BTN3A1: variants seen among roughly 807,000 people sequenced by gnomAD.
BTN3A1 encodes butyrophilin subfamily 3 member A1.
BTN3A1 carries 24 observed loss-of-function variants against 43.0 expected under a neutral mutation model. The observed-to-expected ratio is 0.56, with a 90% CI of 0.40 to 0.78. The LOEUF (loss-of-function observed/expected upper bound fraction) is 0.78, where lower values mean the gene tolerates loss of function less well. Among genes scored for constraint, BTN3A1 ranks in the 30% least tolerant of loss-of-function variants. The probability of loss-of-function intolerance (pLI) is 0.00; values close to 1 mark genes in which losing one functional copy is unlikely to be tolerated. For missense variants in BTN3A1, 533 were observed against 626.2 expected (o/e 0.85, Z 1.59); for synonymous variants, 181 against 234.7 (o/e 0.77, Z 2.09).
chr6:26,413,908 C>T lies in BTN3A1; in HGVS notation c.*216C>T. The T allele has an allele frequency of 1.3e-6, 1 of 767,504 alleles. No homozygotes were observed. The allele number at this position is 767,504 out of a possible 1,614,324, so 47.5% of individuals were successfully genotyped here. On this transcript the variant is annotated 3_prime_UTR_variant, in exon 10 of 10. Transcript: ENST00000289361. The stretch of plus-strand genomic sequence containing the variant: ...CACGCACTGAAGCACTTTACTGATA[C>T]TCATTCAATTATTCATATGACAGTT...
At position 26,405,503 on chromosome 6, in the gene BTN3A1, G is replaced by T. The variant is rs963333249; in HGVS notation, c.-61G>T. ...GGAGGTTTCCATTTGGAATTCTATA[G>T]CTTCTTCCAGGTCATAGTGTCTGCC... On this transcript the variant is annotated 5_prime_UTR_variant, in exon 2 of 10. Coordinates refer to ENST00000289361, the MANE Select transcript of BTN3A1 (RefSeq NM_007048.6). The T allele has an allele frequency of 6.7e-7, 1 of 1,495,028 alleles. No homozygotes were observed. 92.6% of individuals were successfully genotyped at this position (1,495,028 alleles called of 1,614,324 possible).
At chr6:26,408,155 T>C (rs1267374909) in intron 4 of BTN3A1, among the ~76,000 whole-genome samples, 2 of 152,210 alleles carry the variant, frequency 1.3e-5, no homozygotes, top group Non-Finnish European at 2.9e-5. Flanking sequence ...GAACATTTCC[T>C]GTCTGCCAGA....
rs747919410 is a variant in BTN3A1 at position 26,409,533 on chromosome 6, A to G, written c.716A>G (p.Asp239Gly). ...TGACCCACAGCCGTTGCCTTCACAG[A>G]CCCCTTCTTCAGGAGCGCCCAGAGG... ...LEKTASISIA[D>G]PFFRSAQRWI... is the part of the protein sequence containing the mutation. The change falls in exon 5 of 10, where the codon GAC (aspartate) becomes GGC (glycine). Residue 239 changes from aspartate (D) to glycine (G), a missense_variant and splice_region_variant. Coordinates refer to ENST00000289361, the MANE Select transcript of BTN3A1 (RefSeq NM_007048.6). 9 of 1,612,264 alleles carry G rather than the reference A, an allele frequency of 5.6e-6. No homozygotes were observed. The South Asian group carries it at 9.9e-5, about 18-fold the overall frequency.
In BTN3A1 at chr6:26,413,304, T is replaced by C. The variant is rs1437621324; in HGVS notation, c.1154T>C (p.Leu385Pro). Reference sequence around the variant, plus strand: ...AGATTTAATTGGCATTATTGTGTTCTCGGCTGTGAGAGCTTCATATCAGGG... The same window carrying C: ...AGATTTAATTGGCATTATTGTGTTCCCGGCTGTGAGAGCTTCATATCAGGG... ...PERFNWHYCV[L>P]GCESFISGRH... The change falls in exon 10 of 10, where the codon CTC becomes CCC. Residue 385 changes from leucine (L) to proline (P), a missense_variant. Physicochemically the swap from Leu to Pro is moderately conservative, Grantham distance 98 (BLOSUM62 -3). Coordinates refer to ENST00000289361, the MANE Select transcript of BTN3A1 (RefSeq NM_007048.6). 9.9e-6 allele frequency: 16 copies of C among 1,614,052 alleles called. No homozygotes were observed. The highest frequency in any genetic ancestry group is 1.4e-5 in the Non-Finnish European group (16 of 1,180,036).
chr6:26,403,206 C>T (rs1761907726), intron 1 of BTN3A1, among the ~76,000 whole-genome samples: 1 of 152,142 alleles, frequency 6.6e-6, no homozygotes, highest in Non-Finnish European at 1.5e-5. Context: ...GCTGAGATTA[C>T]AGGTGCACGC....
chr6:26,410,999 G>GCAAAAAAAAAAAAAA (rs1561847979), intron 7 of BTN3A1, 110 bp from the exon 8 acceptor site: 1 of 566,872 alleles, frequency 1.8e-6, no homozygotes, highest in Non-Finnish European at 2.7e-6. Context: ...GATACAGGTG[G>GCAAAAAAAAAAAAAA]TAAAAAAAAA....
intron 1 of BTN3A1, among the ~76,000 whole-genome samples, chr6:26,405,034 A>T (rs1204873157): frequency 2.6e-5 from 4 of 152,204 alleles, no homozygotes; most frequent in Non-Finnish European, 1.5e-5. Context: ...CTTGGATTAA[A>T]TGTGGTGGGT....
At position 26,407,716 on chromosome 6, in the gene BTN3A1, G is replaced by A. The variant is rs147150065; in HGVS notation, c.479G>A (p.Gly160Glu). 3.7e-6 allele frequency: 6 copies of A among 1,614,088 alleles called. No homozygotes were observed. The African/African-American group carries it at 6.7e-5, about 18-fold the overall frequency. ...GTTGATGTGAAGGGTTACAAGGATGGAGGGATCCATCTGGAGTGCAGGTCC... is the reference window on the plus strand; with the variant it reads ...GTTGATGTGAAGGGTTACAAGGATGAAGGGATCCATCTGGAGTGCAGGTCC... Reference protein sequence around the residue: ...LHVDVKGYKDGGIHLECRSTG... With the variant: ...LHVDVKGYKDEGIHLECRSTG... Residue 160 changes from glycine (G) to glutamate (E), a missense_variant, in exon 4 of 10, where the codon GGA becomes GAA. Gly to Glu is a moderately conservative substitution (Grantham distance 98). Transcript: ENST00000289361.
At chr6:26,412,461 A>C (rs1218390082) in intron 9 of BTN3A1, 1 of 1,488,080 alleles carries the variant, frequency 6.7e-7, no homozygotes, top group East Asian at 2.5e-5. Context: ...AAGGGAGCCC[A>C]GTGGCACTGT....
In BTN3A1 at chr6:26,413,825, G is replaced by C; in HGVS notation, c.*133G>C. 1.3e-6 allele frequency: 2 copies of C among 1,568,798 alleles called. No homozygotes were observed. Among genetic ancestry groups the C allele is most frequent in the Middle Eastern group, 3.3e-4 (2 of 5,992 alleles). On this transcript the variant is annotated 3_prime_UTR_variant, in exon 10 of 10. Coordinates refer to ENST00000289361, the MANE Select transcript of BTN3A1 (RefSeq NM_007048.6). ...ACTTTTCTCTGCTTCTCCCTGCCCA[G>C]CTCAGAGCTGAGGGCCTCCCCCTCC...
intron 8 of BTN3A1, 57 bp from the exon 9 acceptor site, chr6:26,411,498 G>A (rs1195675928): frequency 3.2e-5 from 51 of 1,574,754 alleles, no homozygotes; most frequent in Non-Finnish European, 4.4e-5. Context: ...GGAGAGTGCA[G>A]TGGGGAAAAG....
Position 26,405,516 on chromosome 6 carries a change from C to T in BTN3A1, c.-48C>T. 1 of 1,544,934 alleles carries T rather than the reference C, an allele frequency of 6.5e-7. No individual in the cohort carries two copies. Among genetic ancestry groups the T allele is most frequent in the Non-Finnish European group, 9.0e-7 (1 of 1,117,236 alleles). ...TGGAATTCTATAGCTTCTTCCAGGT[C>T]ATAGTGTCTGCCCCCCACCTTCCAG... On this transcript the variant is annotated 5_prime_UTR_variant, in exon 2 of 10. Coordinates refer to ENST00000289361, the MANE Select transcript of BTN3A1 (RefSeq NM_007048.6).
rs1417638582 is a variant in BTN3A1, at chr6:26,413,630, C to G, written c.1480C>G (p.Leu494Val). 3 of 1,614,096 alleles carry G rather than the reference C, an allele frequency of 1.9e-6. No homozygotes were observed. The highest frequency in any genetic ancestry group is 2.5e-6 in the Non-Finnish European group (3 of 1,179,996). The change falls in exon 10 of 10, where the codon CTA (leucine) becomes GTA (valine). Residue 494 changes from leucine (L) to valine (V), a missense_variant. By Grantham distance (32) the Leu-to-Val change is conservative. This residue lies in a region of BTN3A1 where 415 missense variants were observed against 427.0 expected (regional missense o/e 0.97). Coordinates refer to ENST00000289361, the MANE Select transcript of BTN3A1 (RefSeq NM_007048.6). ...TFLDVSFSEA[L>V]YPVFRILTLE... ...CCTGGACGTCTCCTTCTCTGAGGCT[C>G]TATATCCTGTTTTCAGAATTTTGAC...
chr6:26,411,229 C>T, intron 8 of BTN3A1, 94 bp downstream of exon 8: 16 of 1,459,516 alleles, frequency 1.1e-5, no homozygotes, highest in Non-Finnish European at 1.5e-5. Flanking sequence ...TTCTCATTTG[C>T]ATGAATCAGA....
intron 8 of BTN3A1, 30 bp from the exon 9 acceptor site, chr6:26,411,525 T>G: frequency 6.2e-7 from 1 of 1,610,722 alleles, no homozygotes; most frequent in Non-Finnish European, 8.5e-7. Context: ...AATACTGACC[T>G]TTTCCTTATC....
At position 26,410,908 on chromosome 6, in the gene BTN3A1, T is replaced by C. The variant is rs939218340; in HGVS notation, c.965-201T>C. On this transcript the variant is annotated intron_variant, in intron 7 of 9. Coordinates refer to ENST00000289361, the MANE Select transcript of BTN3A1 (RefSeq NM_007048.6). Reference sequence around the variant, plus strand: ...GAAGGAACTCTCGCAATGTCTGCCATGTCACTAGCATTCGACTGATGTTCC... The same window carrying C: ...GAAGGAACTCTCGCAATGTCTGCCACGTCACTAGCATTCGACTGATGTTCC... 2.0e-5 allele frequency among the ~76,000 whole-genome samples: 3 copies of C among 148,504 alleles called. No individual in the cohort carries two copies. In the South Asian group the frequency reaches 6.3e-4, roughly 31 times the overall value.
At position 26,405,605 on chromosome 6, in the gene BTN3A1, T is replaced by C. The variant is rs1411017718; in HGVS notation, c.42T>C (p.Phe14=). ...TCCTGGCCTTCCTTCTGCTCAACTTTCGTGTCTGCCTCCTTTTGCTTCAGC... is the reference window on the plus strand; with the variant it reads ...TCCTGGCCTTCCTTCTGCTCAACTTCCGTGTCTGCCTCCTTTTGCTTCAGC... The part of the protein sequence containing the change: ...ASFLAFLLLN[F]RVCLLLLQLL... The change falls in exon 2 of 10, where the codon TTT becomes TTC. Residue 14 remains phenylalanine, a synonymous_variant. Coordinates refer to ENST00000289361, the MANE Select transcript of BTN3A1 (RefSeq NM_007048.6). 1.9e-6 allele frequency: 3 copies of C among 1,614,174 alleles called. No homozygotes were observed. Among genetic ancestry groups the C allele is most frequent in the Non-Finnish European group, 2.5e-6 (3 of 1,180,038 alleles).
chr6:26,408,384 C>T (rs958182417), intron 4 of BTN3A1, among the ~76,000 whole-genome samples: 4 of 152,102 alleles, frequency 2.6e-5, no homozygotes, highest in Admixed American at 2.0e-4. Flanking sequence ...AAAGAGTGTT[C>T]GTTCTCATTC....
intron 4 of BTN3A1, 47 bp downstream of exon 4, chr6:26,407,999 T>C: frequency 1.2e-6 from 2 of 1,603,420 alleles, no homozygotes; most frequent in South Asian, 1.1e-5. Context: ...GCTGTGGCAG[T>C]TGAATGAAGG....
Sources: allele counts gnomAD v4.1 joint callset (sites outside exome capture counted in the v4.1 genomes callset), GRCh38; gene constraint gnomAD v4.1.1; regional missense constraint gnomAD v4.1.1; transcripts MANE v1.5; gene names NCBI Gene and HGNC (gene_info 2026-07-23, HGNC 2026-07-21).